The following PAPPA variants were observed in gnomAD, a reference collection of about 807,000 sequenced individuals.
The protein encoded by PAPPA is pappalysin 1.
In PAPPA, 60 loss-of-function variants were observed where a neutral mutation model predicts 164.0. The observed-to-expected ratio is 0.37, with a 90% CI of 0.30 to 0.45. The LOEUF (loss-of-function observed/expected upper bound fraction) is 0.45, where lower values mean the gene tolerates loss of function less well. Among genes scored for constraint, PAPPA ranks in the 20% least tolerant of loss-of-function variants. The pLI, the probability that PAPPA is intolerant of heterozygous loss-of-function variation, is 1.00. For missense variants in PAPPA, 1,782 were observed against 2,087.3 expected (o/e 0.85, Z 2.85); for synonymous variants, 875 against 814.1 (o/e 1.07, Z -1.27).
intron 21 of PAPPA, among the ~76,000 whole-genome samples, chr9:116,390,846 CATT>C (rs1846882107): frequency 6.6e-6 from 1 of 152,174 alleles, no homozygotes; most frequent in Non-Finnish European, 1.5e-5. Flanking sequence ...CCATCATCAT[CATT>C]ACCTCACTGT....
chr9:116,235,091 A>T, intron 6 of PAPPA, 48 bp from the exon 7 acceptor site: 1 of 1,610,626 alleles, frequency 6.2e-7, no homozygotes, highest in Non-Finnish European at 8.5e-7. Flanking sequence ...TAAGGATGGG[A>T]ATAAAGCTCT....
chr9:116,311,276 C>T (rs911587310), intron 10 of PAPPA, among the ~76,000 whole-genome samples: 2 of 152,126 alleles, frequency 1.3e-5, no homozygotes, highest in African/African-American at 4.8e-5. Flanking sequence ...TCCAAAGCAT[C>T]ATTTTCAACA....
intron 21 of PAPPA, among the ~76,000 whole-genome samples, chr9:116,391,224 G>A (rs1319747232): frequency 6.6e-6 from 1 of 152,116 alleles, no homozygotes; most frequent in African/African-American, 2.4e-5. Context: ...CACGTTTTAT[G>A]CCAGGTACTG....
At chr9:116,307,207 C>T (rs890838849) in intron 10 of PAPPA, among the ~76,000 whole-genome samples, 2 of 152,276 alleles carry the variant, frequency 1.3e-5, no homozygotes, top group South Asian at 4.2e-4. Flanking sequence ...GACTTTATGT[C>T]CCATTAACCC....
intron 21 of PAPPA, among the ~76,000 whole-genome samples, chr9:116,390,692 TCCCCCTGCCC>T (rs1564253588): frequency 7.9e-6 from 1 of 125,978 alleles, no homozygotes; most frequent in African/African-American, 2.8e-5. Flanking sequence ...ACCCTCTGCC[TCCCCCTGCCC>T]CCCGCTTTGG....
chr9:116,291,340 GA>G (rs550146121), intron 9 of PAPPA, among the ~76,000 whole-genome samples: 133 of 151,762 alleles, frequency 8.8e-4, no homozygotes, highest in African/African-American at 3.1e-3. Context: ...TGTCTCATAG[GA>G]AAAAAAATAT....
chr9:116,226,552 C>T (rs1307231972), intron 5 of PAPPA, among the ~76,000 whole-genome samples: 9 of 152,130 alleles, frequency 5.9e-5, no homozygotes, highest in African/African-American at 1.4e-4. Context: ...GACGTCTTCC[C>T]GAGATTTTGT....
chr9:116,383,168 A>T (rs1177988312), intron 21 of PAPPA, among the ~76,000 whole-genome samples: 1 of 152,168 alleles, frequency 6.6e-6, no homozygotes, highest in Non-Finnish European at 1.5e-5. Flanking sequence ...CCCCTCACAG[A>T]AAAGTGGCCA....
At chr9:116,383,136 A>ACATT (rs1173883959) in intron 21 of PAPPA, among the ~76,000 whole-genome samples, 1 of 152,138 alleles carries the variant, frequency 6.6e-6, no homozygotes, top group Non-Finnish European at 1.5e-5. Flanking sequence ...CCAAAGAAAA[A>ACATT]CATTCGATAG....
intron 13 of PAPPA, among the ~76,000 whole-genome samples, chr9:116,338,403 C>T (rs771865958): frequency 5.9e-5 from 9 of 151,970 alleles, no homozygotes; most frequent in Admixed American, 1.3e-4. Flanking sequence ...CTCTTTCAGC[C>T]AGGGAGAACT....
intron 10 of PAPPA, among the ~76,000 whole-genome samples, chr9:116,330,861 G>A (rs538693734): frequency 2.0e-5 from 3 of 152,204 alleles, no homozygotes; most frequent in Admixed American, 2.0e-4. Context: ...TAAGGCGTTT[G>A]ATCAAACCTA....
At chr9:116,269,669 G>A (rs926623720) in intron 8 of PAPPA, among the ~76,000 whole-genome samples, 3 of 152,182 alleles carry the variant, frequency 2.0e-5, no homozygotes, top group South Asian at 2.1e-4. Flanking sequence ...GTAGTGACCC[G>A]AATATTTTGT....
In PAPPA at chr9:116,187,577, C is replaced by A. The variant is rs143101859; in HGVS notation, c.839C>A (p.Ala280Asp). The change falls in exon 2 of 22, where the codon GCT becomes GAT. Residue 280 changes from alanine to aspartate, a missense_variant. This residue lies in a region of PAPPA where 458 missense variants were observed against 430.3 expected (regional missense o/e 1.06). Transcript: ENST00000328252. This position sits in a 1 kb window ranked among gnomAD's most constrained non-coding sequence, Gnocchi z 4.2. ...ATGGAAACCCATGGCGCCCACACTG[C>A]TCTACCTCAGCTCCTCCTCCAGGAG... is the stretch of plus-strand genomic sequence containing the variant. ...SDMETHGAHT[A>D]LPQLLLQENW... 39 of 1,614,228 alleles carry A rather than the reference C, an allele frequency of 2.4e-5. No individual in the cohort carries two copies. The South Asian group carries it at 4.1e-4, about 17-fold the overall frequency.
rs1470749840 is a variant in PAPPA at position 116,334,997 on chromosome 9, C to T, written c.3534C>T (p.Leu1178=). Residue 1178 remains leucine (L), a synonymous_variant, in exon 13 of 22, where the codon CTC becomes CTT. Coordinates refer to ENST00000328252, the MANE Select transcript of PAPPA (RefSeq NM_002581.5). ...TGGTCGCCATCTCGGGGGTGGCCCT[C>T]CGTTCCTTCGACAACTTTGACCCCG... ...SPLVAISGVA[L]RSFDNFDPVT... 6.2e-6 allele frequency: 10 copies of T among 1,613,224 alleles called. No individual in the cohort carries two copies. The highest frequency in any genetic ancestry group is 7.6e-6 in the Non-Finnish European group (9 of 1,179,786).
At chr9:116,368,226 T>G (rs1846527545) in intron 19 of PAPPA, among the ~76,000 whole-genome samples, 1 of 152,228 alleles carries the variant, frequency 6.6e-6, no homozygotes, top group African/African-American at 2.4e-5. Flanking sequence ...TTACCTGTTT[T>G]GGGGAAAGCA....
intron 9 of PAPPA, among the ~76,000 whole-genome samples, chr9:116,298,385 G>A (rs970960923): frequency 6.6e-6 from 1 of 152,174 alleles, no homozygotes; most frequent in Non-Finnish European, 1.5e-5. Flanking sequence ...TTTGCTAATG[G>A]CACCTACCCA....
chr9:116,350,080 C>T (rs144584050), intron 15 of PAPPA, among the ~76,000 whole-genome samples: 1 of 152,354 alleles, frequency 6.6e-6, no homozygotes, highest in East Asian at 1.9e-4. Flanking sequence ...ATGAATCCAA[C>T]AACTCCACCA....
rs151172890 is a variant in PAPPA, at chr9:116,156,648, G to A, written c.415+2061G>A. Among the ~76,000 whole-genome samples, 130 of 152,110 alleles carry A rather than the reference G, an allele frequency of 8.5e-4. 1 individual carries two copies. The highest frequency in any genetic ancestry group is 3.1e-3 in the African/African-American group (127 of 41,482). On this transcript the variant is annotated intron_variant, in intron 1 of 21. Coordinates refer to ENST00000328252, the MANE Select transcript of PAPPA (RefSeq NM_002581.5). ...AGAAAGCCAGGAGCTTTTCCCCTGA[G>A]GATTCTGGTGGATTTCTTTTCCCTC... is the stretch of plus-strand genomic sequence containing the variant.
chr9:116,325,838 C>T (rs925248539), intron 10 of PAPPA, among the ~76,000 whole-genome samples: 2 of 152,122 alleles, frequency 1.3e-5, no homozygotes, highest in Non-Finnish European at 2.9e-5. Context: ...GAGAAAAGTG[C>T]ACTATTTCTG....
Sources: gnomAD v4.1 joint callset for allele counts (sites outside exome capture counted in the v4.1 genomes callset) on GRCh38, gnomAD v4.1.1 for gene constraint, gnomAD v4.1.1 regional missense constraint, Gnocchi (gnomAD v3.1) non-coding constraint, MANE v1.5 for transcripts, NCBI Gene and HGNC (gene_info 2026-07-23, HGNC 2026-07-21) for gene names.